Variants in CHIC1 observed in about 807,000 individuals in gnomAD.
The protein encoded by CHIC1 is cysteine rich hydrophobic domain 1, also known as cysteine-rich hydrophobic domain-containing protein 1.
Under a neutral mutation model 18.5 loss-of-function variants are expected in CHIC1, and 7 were observed. The observed-to-expected ratio is 0.38, with a 90% CI of 0.22 to 0.71. The LOEUF is 0.71. Ranked by LOEUF, CHIC1 falls within the 30% of genes least tolerant of loss-of-function variation. The probability of loss-of-function intolerance (pLI) is 0.49; values close to 1 mark genes in which losing one functional copy is unlikely to be tolerated. For missense variants in CHIC1, 159 were observed against 176.9 expected, an observed-to-expected ratio of 0.90 and a Z score of 0.57; for synonymous variants, 77 against 73.5, an observed-to-expected ratio of 1.05 and a Z score of -0.25.
chrX:73,675,380 G>A (rs142986051), intron 3 of CHIC1, among the ~76,000 whole-genome samples: 1 of 111,626 alleles, frequency 9.0e-6, no homozygotes, highest in East Asian at 2.8e-4. Context: ...CTCTTTGTAG[G>A]TCACTAAGGA....
intron 1 of CHIC1, among the ~76,000 whole-genome samples, chrX:73,574,518 G>A (rs1159786141): frequency 9.1e-6 from 1 of 110,315 alleles, no homozygotes; most frequent in Admixed American, 9.6e-5. Flanking sequence ...GCTCTTCTTT[G>A]TACATCTGAT....
At chrX:73,678,200 G>C (rs1370772562) in intron 3 of CHIC1, among the ~76,000 whole-genome samples, 1 of 112,091 alleles carries the variant, frequency 8.9e-6, no homozygotes, top group Non-Finnish European at 1.9e-5. Context: ...AGTTTCAGCA[G>C]TGTCTTTGAG....
In CHIC1 at chrX:73,673,552, C is replaced by T. The variant is rs2058043766; in HGVS notation, c.508-5774C>T. Among the ~76,000 whole-genome samples, 3 of 111,549 alleles carry T rather than the reference C, an allele frequency of 2.7e-5. No homozygotes were observed. In the Admixed American group the frequency reaches 2.9e-4, roughly 11 times the overall value. On this transcript the variant is annotated intron_variant, in intron 3 of 5. Transcript: ENST00000373502. ...ACTCATGATTTGGCTCTCTGTTTGT[C>T]TATTATTGTTGTATAAGAATGCTTG...
chrX:73,672,338 C>T (rs865933666), intron 3 of CHIC1, among the ~76,000 whole-genome samples: 12 of 111,456 alleles, frequency 1.1e-4, no homozygotes, highest in Non-Finnish European at 1.9e-4. Flanking sequence ...CCTGAGGAAT[C>T]GCCACACTGA....
At chrX:73,656,980 C>T (rs752483604) in intron 3 of CHIC1, among the ~76,000 whole-genome samples, 1 of 110,789 alleles carries the variant, frequency 9.0e-6, no homozygotes, top group South Asian at 3.8e-4. Context: ...TTTCTTTGAG[C>T]AGTGTTTTGT....
intron 3 of CHIC1, among the ~76,000 whole-genome samples, chrX:73,643,263 G>T (rs1417569037): frequency 9.1e-6 from 1 of 110,256 alleles, no homozygotes; most frequent in African/African-American, 3.3e-5. Context: ...GCTTCCCTTT[G>T]TGGGTAACCC....
intron 4 of CHIC1, 101 bp downstream of exon 4, chrX:73,679,483 T>G: frequency 1.7e-6 from 1 of 603,418 alleles, no homozygotes; most frequent in Non-Finnish European, 2.6e-6. Context: ...AAGGAATGGA[T>G]TAGAGAATTA....
chrX:73,601,090 G>A (rs1231599768), intron 3 of CHIC1, among the ~76,000 whole-genome samples: 1 of 106,600 alleles, frequency 9.4e-6, no homozygotes, highest in Non-Finnish European at 1.9e-5. Context: ...AAGAGACTTA[G>A]ACTCCCACAC....
chrX:73,627,406 C>T (rs1228592053), intron 3 of CHIC1, among the ~76,000 whole-genome samples: 1 of 112,766 alleles, frequency 8.9e-6, no homozygotes, highest in Non-Finnish European at 1.9e-5. Context: ...CAAGATCACC[C>T]AGGCCTTGGA....
chrX:73,632,191 T>C (rs778005667), intron 3 of CHIC1, among the ~76,000 whole-genome samples: 1 of 112,414 alleles, frequency 8.9e-6, no homozygotes, highest in African/African-American at 3.2e-5. Context: ...ATCTTCTTGA[T>C]ATATATTCTC....
chrX:73,650,249 A>G (rs2057909181), intron 3 of CHIC1, among the ~76,000 whole-genome samples: 1 of 111,651 alleles, frequency 9.0e-6, no homozygotes, highest in East Asian at 2.8e-4. Flanking sequence ...TTTGAAATCG[A>G]CACCCTAACA....
intron 1 of CHIC1, among the ~76,000 whole-genome samples, chrX:73,568,068 C>T (rs1484740768): frequency 3.6e-5 from 4 of 111,644 alleles, no homozygotes; most frequent in Non-Finnish European, 5.7e-5. Flanking sequence ...AGTGTGCCCA[C>T]GTAGTACAAA....
intron 3 of CHIC1, among the ~76,000 whole-genome samples, chrX:73,625,427 G>C (rs2057779138): frequency 9.0e-6 from 1 of 111,589 alleles, no homozygotes; most frequent in Non-Finnish European, 1.9e-5. Context: ...CTGCAAGGTG[G>C]GGAAGGCGAA....
chrX:73,651,885 CTACTT>C (rs1196862852), intron 3 of CHIC1, among the ~76,000 whole-genome samples: 1 of 112,052 alleles, frequency 8.9e-6, no homozygotes, highest in Non-Finnish European at 1.9e-5. Flanking sequence ...TTAGAAAAAA[CTACTT>C]TAAAGTTCGT....
intron 1 of CHIC1, among the ~76,000 whole-genome samples, chrX:73,576,851 A>T (rs1265214465): frequency 1.8e-5 from 2 of 110,495 alleles, no homozygotes; most frequent in Non-Finnish European, 3.8e-5. Context: ...GTTTTCTCAA[A>T]ATTGGTCGAG....
Position 73,600,386 on chromosome X carries a change from G to C in CHIC1, c.507+15814G>C, listed in dbSNP as rs1329319644. 4.0e-5 allele frequency among the ~76,000 whole-genome samples: 4 copies of C among 99,164 alleles called. No homozygotes were observed. The East Asian group carries it at 1.2e-3, about 31-fold the overall frequency. The allele number at this position is 99,164 out of a possible 115,157, so 86.1% of individuals were successfully genotyped here. A position where few individuals can be genotyped will look rare whatever the true frequency, so the allele number is the denominator to read the frequency against. On this transcript the variant is annotated intron_variant, in intron 3 of 5. Transcript: ENST00000373502. ...CAACACTATGTTGAATAGGAGTGGT[G>C]AGAGAGGGCATCCCTGTCTTGTGCC...
chrX:73,563,274 G>A lies in CHIC1; in HGVS notation c.-11G>A, dbSNP rs921056177. 1 of 1,091,065 alleles carries A rather than the reference G, an allele frequency of 9.2e-7. No individual in the cohort carries two copies. 89.9% of individuals were successfully genotyped at this position (1,091,065 alleles called of 1,213,427 possible). ...TCTCCGGGAGCGTGGCGGCGATCGC[G>A]AGGTCACGTGATGAGCATCCTGCTG... On this transcript the variant is annotated 5_prime_UTR_variant, in exon 1 of 6. Transcript: ENST00000373502.
intron 3 of CHIC1, among the ~76,000 whole-genome samples, chrX:73,657,607 T>C (rs2057956900): frequency 8.9e-6 from 1 of 112,185 alleles, no homozygotes; most frequent in South Asian, 3.7e-4. Flanking sequence ...GAATATGCTT[T>C]ATTTCTTTTT....
intron 1 of CHIC1, 38 bp downstream of exon 1, chrX:73,563,618 G>C (rs886957221): frequency 9.6e-7 from 1 of 1,037,887 alleles, no homozygotes; most frequent in Non-Finnish European, 1.2e-6. Context: ...AAATGCCTGA[G>C]ATTTGGCAAC....
Sources: allele counts gnomAD v4.1 joint callset (sites outside exome capture counted in the v4.1 genomes callset), GRCh38; gene constraint gnomAD v4.1.1; transcripts MANE v1.5; gene names NCBI Gene and HGNC (gene_info 2026-07-23, HGNC 2026-07-21).